SVOP: variants seen among roughly 807,000 people sequenced by gnomAD.
SVOP encodes the protein SV2 related protein, also known as synaptic vesicle 2-related protein.
Under a neutral mutation model 69.1 loss-of-function variants are expected in SVOP, and 17 were observed. That is an observed-to-expected ratio of 0.25 (90% CI 0.17 to 0.37). The LOEUF (loss-of-function observed/expected upper bound fraction) is 0.37, where lower values mean the gene tolerates loss of function less well. Ranked by LOEUF, SVOP falls within the 10% of genes least tolerant of loss-of-function variation. The pLI is 1.00. For missense variants in SVOP, 435 were observed against 597.5 expected (o/e 0.73, Z 2.84); for synonymous variants, 238 against 238.6 (o/e 1.00, Z 0.02).
Position 108,918,106 on chromosome 12 carries a change from TA to T in SVOP, c.1286del (p.Leu429TyrfsTer53). On this transcript the variant is annotated frameshift_variant, in exon 14 of 16. Transcript: ENST00000610966. LOFTEE classifies it high-confidence loss of function. ...ICVGRNVLTL[L>X]LFIARAFISG... ...AAATAAACGCTCTTGCAATGAAGAGTAACAGAGTGAGCACATTTCTAGGAGG... is the reference window on the plus strand; with the variant it reads ...AAATAAACGCTCTTGCAATGAAGAGTACAGAGTGAGCACATTTCTAGGAGG... 6.4e-7 allele frequency: 1 copy of T among 1,572,882 alleles called. No homozygotes were observed. Among genetic ancestry groups the T allele is most frequent in the Non-Finnish European group, 8.6e-7 (1 of 1,158,958 alleles).
At chr12:108,920,038 G>C (rs10746135) in intron 12 of SVOP, among the ~76,000 whole-genome samples, 125,393 of 152,214 alleles carry the variant, frequency 0.82, 51,911 homozygotes, top group East Asian at 1. Context: ...GAGAAGGCCA[G>C]TTGGCAAGGA....
chr12:108,997,218 G>A (rs1339909189), intron 1 of SVOP, among the ~76,000 whole-genome samples: 21 of 152,176 alleles, frequency 1.4e-4, no homozygotes, highest in South Asian at 2.1e-4. Flanking sequence ...CTGGAAAATC[G>A]GGTCACTCCC....
At chr12:108,929,587 G>C (rs1430780186) in intron 11 of SVOP, among the ~76,000 whole-genome samples, 1 of 152,154 alleles carries the variant, frequency 6.6e-6, no homozygotes, top group Non-Finnish European at 1.5e-5. Context: ...GGGATTACGA[G>C]TATGAGCCTG....
At chr12:109,015,545 C>T (rs1035917083) in intron 1 of SVOP, among the ~76,000 whole-genome samples, 2 of 152,068 alleles carry the variant, frequency 1.3e-5, no homozygotes, top group East Asian at 1.9e-4. Context: ...GGCATGGTGG[C>T]TCATGCCTGT....
At chr12:108,934,454 A>G (rs1449361630) in intron 10 of SVOP, among the ~76,000 whole-genome samples, 183 bp from the exon 11 acceptor site, 1 of 152,156 alleles carries the variant, frequency 6.6e-6, no homozygotes, top group Admixed American at 6.5e-5. Context: ...GCATCACGAT[A>G]TGATCAAAGG....
At chr12:108,952,544 C>G (rs1202185495) in intron 6 of SVOP, among the ~76,000 whole-genome samples, 1 of 152,090 alleles carries the variant, frequency 6.6e-6, no homozygotes, top group Non-Finnish European at 1.5e-5. Flanking sequence ...GCCCCCTACA[C>G]TACACTTAAT....
intron 4 of SVOP, among the ~76,000 whole-genome samples, chr12:108,976,615 T>TC (rs919508325): frequency 4.8e-4 from 15 of 31,150 alleles, no homozygotes; most frequent in East Asian, 4.6e-3. Context: ...TCTCTCTCTC[T>TC]TTTTTTTTTT....
chr12:109,017,966 G>A (rs2040377071), intron 1 of SVOP, among the ~76,000 whole-genome samples: 1 of 152,070 alleles, frequency 6.6e-6, no homozygotes, highest in African/African-American at 2.4e-5. Flanking sequence ...GCCACATGTA[G>A]CTAGTGGCTA....
chr12:108,992,507 C>G (rs753562230), intron 1 of SVOP, among the ~76,000 whole-genome samples: 5 of 152,100 alleles, frequency 3.3e-5, no homozygotes, highest in African/African-American at 4.8e-5. Context: ...CACCACTGCA[C>G]TCCAGGCTGG....
chr12:109,012,757 G>A (rs906002915), intron 1 of SVOP, among the ~76,000 whole-genome samples: 9 of 151,934 alleles, frequency 5.9e-5, no homozygotes, highest in African/African-American at 1.9e-4. Flanking sequence ...GCGAAACCCC[G>A]TCTCTACCAA....
intron 4 of SVOP, among the ~76,000 whole-genome samples, chr12:108,974,525 A>G (rs1410304484): frequency 6.6e-6 from 1 of 152,164 alleles, no homozygotes; most frequent in East Asian, 1.9e-4. Flanking sequence ...AAATAATATT[A>G]CATTAGGCCA....
intron 11 of SVOP, among the ~76,000 whole-genome samples, chr12:108,931,571 C>T (rs1002786002): frequency 6.6e-5 from 10 of 152,150 alleles, no homozygotes; most frequent in Admixed American, 5.2e-4. Flanking sequence ...TGGTGGCTCA[C>T]GCCTGTAATC....
chr12:108,916,398 G>A (rs1593175354), intron 14 of SVOP, among the ~76,000 whole-genome samples: 1 of 152,172 alleles, frequency 6.6e-6, no homozygotes, highest in African/African-American at 2.4e-5. Flanking sequence ...TGCTGGCTGC[G>A]AGAAGGACTC....
intron 11 of SVOP, among the ~76,000 whole-genome samples, chr12:108,924,825 C>A (rs1027599414): frequency 6.6e-6 from 1 of 152,090 alleles, no homozygotes; most frequent in Non-Finnish European, 1.5e-5. Context: ...GTTTCAGAAA[C>A]CCAGAATCCA....
In SVOP at chr12:108,972,466, AC is replaced by A; in HGVS notation, c.391del (p.Val131Ter). ...QVALLTSVVF[V>X]GMMSSSTLWG... ...GAGCGTGGAGCTGGACATCATGCCT[AC>A]AAAGACCACCTGTGGGGGGAAAGAC... is the stretch of plus-strand genomic sequence containing the variant. On this transcript the variant is annotated frameshift_variant, in exon 5 of 16. Coordinates refer to ENST00000610966, the MANE Select transcript of SVOP (RefSeq NM_018711.5). LOFTEE classifies it high-confidence loss of function. 2 of 1,537,252 alleles carry A rather than the reference AC, an allele frequency of 1.3e-6. No individual in the cohort carries two copies. Among genetic ancestry groups the A allele is most frequent in the Non-Finnish European group, 1.7e-6 (2 of 1,146,908 alleles).
intron 9 of SVOP, 93 bp from the exon 10 acceptor site, chr12:108,937,430 G>C: frequency 4.0e-6 from 5 of 1,252,552 alleles, no homozygotes; most frequent in Non-Finnish European, 5.9e-6. Context: ...ACCAGGCTGG[G>C]AGGAAGGTTT....
At chr12:108,989,541 G>A (rs559816112) in intron 1 of SVOP, among the ~76,000 whole-genome samples, 2 of 152,248 alleles carry the variant, frequency 1.3e-5, no homozygotes, top group East Asian at 1.9e-4. Flanking sequence ...AGAGGGTCCC[G>A]CCCGGGGGTG....
At chr12:108,919,629 C>T in intron 13 of SVOP, 46 bp downstream of exon 13, 1 of 1,493,068 alleles carries the variant, frequency 6.7e-7, no homozygotes, top group Non-Finnish European at 9.1e-7. Context: ...TGCACCCACA[C>T]CTCCACCTGT....
intron 15 of SVOP, 126 bp downstream of exon 15, chr12:108,915,657 G>T: frequency 1.1e-6 from 1 of 932,516 alleles, no homozygotes; most frequent in Non-Finnish European, 1.6e-6. Context: ...GTCCTCGGGT[G>T]TGTTGTTATG....
Sources: gnomAD v4.1 joint callset for allele counts (sites outside exome capture counted in the v4.1 genomes callset) on GRCh38, gnomAD v4.1.1 for gene constraint, MANE v1.5 for transcripts, NCBI Gene and HGNC (gene_info 2026-07-23, HGNC 2026-07-21) for gene names.